The following LRRC37A2 variants were observed in gnomAD, a reference collection of about 807,000 sequenced individuals.
LRRC37A2 encodes leucine-rich repeat-containing protein 37A2.
In LRRC37A2, 9 loss-of-function variants were observed where a neutral mutation model predicts 68.8. That is an observed-to-expected ratio of 0.13 (90% CI 0.08 to 0.23). The LOEUF is 0.23. Among genes scored for constraint, LRRC37A2 ranks in the 10% least tolerant of loss-of-function variants. The pLI is 1.00. For missense variants in LRRC37A2, 168 were observed against 950.4 expected (o/e 0.18, Z 10.82); for synonymous variants, 63 against 367.6 (o/e 0.17, Z 9.48).
the LRRC37A2 span, chr17:46,872,617 C>G: frequency 3.1e-6 from 5 of 1,613,062 alleles, no homozygotes; most frequent in African/African-American, 6.7e-5. Context: ...CCTGCTGAAG[C>G]TGTCCCGGCG....
chr17:46,854,245 A>T, the LRRC37A2 span, among the ~76,000 whole-genome samples: 2 of 152,242 alleles, frequency 1.3e-5, no homozygotes, highest in African/African-American at 4.8e-5. Flanking sequence ...CCAGCTTCCC[A>T]TCTGCATTCG....
At chr17:46,981,232 G>A in the LRRC37A2 span, among the ~76,000 whole-genome samples, 1 of 152,210 alleles carries the variant, frequency 6.6e-6, no homozygotes, top group South Asian at 2.1e-4. Flanking sequence ...GCATCACAGA[G>A]CCTCTGCTCC....
the LRRC37A2 span, among the ~76,000 whole-genome samples, chr17:46,816,041 G>A: frequency 6.6e-6 from 1 of 152,044 alleles, no homozygotes; most frequent in Non-Finnish European, 1.5e-5. Flanking sequence ...ATGGCCATGA[G>A]CACTGATATT....
the LRRC37A2 span, among the ~76,000 whole-genome samples, chr17:46,879,211 C>T: frequency 5.9e-5 from 9 of 152,278 alleles, no homozygotes; most frequent in East Asian, 5.8e-4. Flanking sequence ...TGTATTTTCC[C>T]GGAAACCCTC....
chr17:46,721,249 GT>G, the LRRC37A2 span, among the ~76,000 whole-genome samples: 4 of 152,232 alleles, frequency 2.6e-5, no homozygotes, highest in Non-Finnish European at 4.4e-5. Flanking sequence ...AGAGGTTACA[GT>G]TTAATATGAC....
chr17:46,834,727 C>G, the LRRC37A2 span, among the ~76,000 whole-genome samples: 1 of 152,136 alleles, frequency 6.6e-6, no homozygotes, highest in South Asian at 2.1e-4. Flanking sequence ...TGGAAGGTTC[C>G]CTCTGCCCTC....
At chr17:46,874,603 G>A in the LRRC37A2 span, among the ~76,000 whole-genome samples, 4 of 152,002 alleles carry the variant, frequency 2.6e-5, no homozygotes, top group African/African-American at 9.6e-5. Flanking sequence ...TTTGAGACAA[G>A]GTCTCCCTCT....
chr17:47,001,823 CA>C, the LRRC37A2 span, among the ~76,000 whole-genome samples: 2 of 150,016 alleles, frequency 1.3e-5, no homozygotes, highest in African/African-American at 4.9e-5. Context: ...CCAGGTTCAA[CA>C]GATTCTCCTG....
chr17:47,000,096 T>TAA, the LRRC37A2 span, among the ~76,000 whole-genome samples: 99 of 114,790 alleles, frequency 8.6e-4, 2 homozygotes, highest in Admixed American at 1.3e-3. Flanking sequence ...TAAAATAAAA[T>TAA]AAAATAAAAT....
chr17:47,027,369 C>T, the LRRC37A2 span, among the ~76,000 whole-genome samples: 1 of 151,950 alleles, frequency 6.6e-6, no homozygotes, highest in Non-Finnish European at 1.5e-5. Context: ...TTATTAAAAC[C>T]ATGAAGGTGA....
At chr17:46,766,607 C>A in the LRRC37A2 span, among the ~76,000 whole-genome samples, 1 of 152,116 alleles carries the variant, frequency 6.6e-6, no homozygotes, top group Non-Finnish European at 1.5e-5. Flanking sequence ...CTGTCCCCAC[C>A]AGGACAGAAC....
chr17:46,851,514 C>T, the LRRC37A2 span: 8 of 423,058 alleles, frequency 1.9e-5, no homozygotes, highest in Non-Finnish European at 3.8e-6. This position sits in a 1 kb window ranked among gnomAD's most constrained non-coding sequence, Gnocchi z 4.3. Context: ...GCCTCCCAAT[C>T]TCCTCCTTTC....
At chr17:46,836,807 C>G in the LRRC37A2 span, among the ~76,000 whole-genome samples, 26 of 152,208 alleles carry the variant, frequency 1.7e-4, no homozygotes, top group African/African-American at 5.8e-4. Flanking sequence ...AAGTATGCTG[C>G]TTAGTAACTC....
chr17:46,896,413 A>AGAAT, the LRRC37A2 span, among the ~76,000 whole-genome samples: 1 of 83,642 alleles, frequency 1.2e-5, no homozygotes. Flanking sequence ...AAAGAAAGAA[A>AGAAT]GAAAGAAAGA....
At chr17:46,966,646 C>A in the LRRC37A2 span, 2 of 599,374 alleles carry the variant, frequency 3.3e-6, no homozygotes, top group Admixed American at 2.6e-5. Context: ...ACCACCCTGA[C>A]CTCCAAATAC....
chr17:46,942,689 C>T, the LRRC37A2 span, among the ~76,000 whole-genome samples: 1 of 152,232 alleles, frequency 6.6e-6, no homozygotes, highest in African/African-American at 2.4e-5. Flanking sequence ...TGAAAGCTGT[C>T]CTCAGGCCTT....
chr17:46,850,349 G>A, the LRRC37A2 span, among the ~76,000 whole-genome samples: 4 of 152,242 alleles, frequency 2.6e-5, no homozygotes, highest in South Asian at 2.1e-4. Context: ...TAATCACTGC[G>A]CTCATTTGAC....
At chr17:47,003,536 G>C in the LRRC37A2 span, among the ~76,000 whole-genome samples, 14 of 152,370 alleles carry the variant, frequency 9.2e-5, no homozygotes, top group East Asian at 2.7e-3. Flanking sequence ...ATGGGGACTG[G>C]TGTTGAGCAG....
the LRRC37A2 span, chr17:46,710,885 C>T: frequency 1.2e-5 from 16 of 1,293,792 alleles, no homozygotes; most frequent in African/African-American, 1.7e-4. Flanking sequence ...TTAGCATGTA[C>T]GGATTATAAC....
Sources: gnomAD v4.1 joint callset for allele counts (sites outside exome capture counted in the v4.1 genomes callset) on GRCh38, gnomAD v4.1.1 for gene constraint, Gnocchi (gnomAD v3.1) non-coding constraint, MANE v1.5 for transcripts, NCBI Gene and HGNC (gene_info 2026-07-23, HGNC 2026-07-21) for gene names.